Variants in ADAMTSL3 observed in about 807,000 individuals in gnomAD.
ADAMTSL3 encodes the protein ADAMTS-like protein 3.
ADAMTSL3 carries 128 observed loss-of-function variants against 201.7 expected under a neutral mutation model. The ratio of observed to expected loss-of-function variants is 0.63; its 90% CI spans 0.55 to 0.73. The LOEUF is 0.73. ADAMTSL3 is among the 30% of genes least tolerant of loss of function. The pLI is 0.00. For synonymous variants in ADAMTSL3, 738 were observed against 748.4 expected (o/e 0.99, Z 0.23); for missense variants, 1,990 against 2,119.6 (o/e 0.94, Z 1.20).
intron 23 of ADAMTSL3, among the ~76,000 whole-genome samples, chr15:83,992,198 T>TA (rs1002487447): frequency 1.3e-5 from 2 of 152,192 alleles, no homozygotes; most frequent in African/African-American, 4.8e-5. Context: ...AGGGTGCATG[T>TA]AATGAGGGAT....
intron 16 of ADAMTSL3, among the ~76,000 whole-genome samples, chr15:83,921,747 C>T (rs1229868147): frequency 6.6e-6 from 1 of 152,114 alleles, no homozygotes; most frequent in East Asian, 1.9e-4. Context: ...TGCACTGGTA[C>T]AATCATAGCT....
intron 3 of ADAMTSL3, among the ~76,000 whole-genome samples, chr15:83,765,092 G>C (rs1198908524): frequency 6.6e-6 from 1 of 152,118 alleles, no homozygotes; most frequent in East Asian, 1.9e-4. Context: ...GAAGAGAGAA[G>C]TAAAACACAG....
At chr15:84,025,822 G>C (rs967799800) in intron 27 of ADAMTSL3, among the ~76,000 whole-genome samples, 3 of 152,028 alleles carry the variant, frequency 2.0e-5, no homozygotes, top group Non-Finnish European at 4.4e-5. Flanking sequence ...AAATACTTAG[G>C]AAAAAGTTTA....
chr15:83,826,808 G>C (rs960575393), intron 6 of ADAMTSL3, among the ~76,000 whole-genome samples: 2 of 151,860 alleles, frequency 1.3e-5, no homozygotes, highest in African/African-American at 4.8e-5. Context: ...ATGGTTTCCA[G>C]CTTCATCCAT....
intron 22 of ADAMTSL3, among the ~76,000 whole-genome samples, chr15:83,990,031 G>A (rs746186856): frequency 6.6e-6 from 1 of 152,166 alleles, no homozygotes; most frequent in Non-Finnish European, 1.5e-5. Context: ...TCTTTAAATA[G>A]TCTTTTCTAT....
At chr15:83,733,626 A>C (rs2062319266) in intron 3 of ADAMTSL3, among the ~76,000 whole-genome samples, 1 of 152,154 alleles carries the variant, frequency 6.6e-6, no homozygotes. Flanking sequence ...TTTTAGTGCA[A>C]ATCTTTCAAA....
At chr15:83,660,733 C>G (rs2061150960) in intron 2 of ADAMTSL3, among the ~76,000 whole-genome samples, 1 of 152,184 alleles carries the variant, frequency 6.6e-6, no homozygotes, top group South Asian at 2.1e-4. Context: ...TTGTAGGTTG[C>G]CTGTTCCCTC....
chr15:83,922,770 A>G (rs1242042267), intron 16 of ADAMTSL3, among the ~76,000 whole-genome samples: 3 of 152,218 alleles, frequency 2.0e-5, no homozygotes, highest in African/African-American at 4.8e-5. Flanking sequence ...TTTTTGGCCA[A>G]TACTACATCC....
intron 3 of ADAMTSL3, among the ~76,000 whole-genome samples, chr15:83,714,754 C>CCTTT (rs113400955): frequency 1.7e-5 from 2 of 117,398 alleles, no homozygotes; most frequent in Non-Finnish European, 3.8e-5. Context: ...TTCCTTCCTT[C>CCTTT]CCTTTTCTCT....
At chr15:83,655,547 C>T (rs569513679) in intron 1 of ADAMTSL3, among the ~76,000 whole-genome samples, 182 bp from the exon 2 acceptor site, 12 of 152,306 alleles carry the variant, frequency 7.9e-5, no homozygotes, top group Non-Finnish European at 1.2e-4. Flanking sequence ...TGTTGTGGAC[C>T]TTCTAAAGGG....
At chr15:83,753,041 A>G (rs1859447206) in intron 3 of ADAMTSL3, among the ~76,000 whole-genome samples, 2 of 152,078 alleles carry the variant, frequency 1.3e-5, no homozygotes, top group Non-Finnish European at 1.5e-5. Context: ...TTCCAGTGAG[A>G]TTAACCTTTT....
intron 6 of ADAMTSL3, among the ~76,000 whole-genome samples, chr15:83,832,033 AAGG>A (rs1337209317): frequency 3.9e-5 from 6 of 152,174 alleles, no homozygotes; most frequent in Non-Finnish European, 7.4e-5. Context: ...GCTCGTGGAC[AAGG>A]AGGAGGGACA....
Position 83,913,095 on chromosome 15 carries a change from C to G in ADAMTSL3, c.1704C>G (p.Phe568Leu). 6.2e-7 allele frequency: 1 copy of G among 1,613,378 alleles called. No homozygotes were observed. The highest frequency in any genetic ancestry group is 8.5e-7 in the Non-Finnish European group (1 of 1,179,576). ...ETRIATEEPT[F>L]IPEPWSACST... ...GTGGCTTCCTGGTTTTCCCTAGGTT[C>G]ATTCCAGAACCCTGGTCAGCCTGCA... The change falls in exon 16 of 30, where the codon TTC becomes TTG. Residue 568 changes from phenylalanine (F) to leucine (L), a missense_variant. Transcript: ENST00000286744.
At chr15:84,014,405 A>G (rs1292967116) in intron 23 of ADAMTSL3, 137 bp from the exon 24 acceptor site, 6 of 783,810 alleles carry the variant, frequency 7.7e-6, no homozygotes, top group East Asian at 2.6e-5. Flanking sequence ...AGAAATAGAA[A>G]TAGCCATTTT....
chr15:83,688,511 CAG>C (rs1363655644), intron 2 of ADAMTSL3, among the ~76,000 whole-genome samples: 3 of 143,308 alleles, frequency 2.1e-5, no homozygotes, highest in Non-Finnish European at 4.7e-5. Flanking sequence ...TGATTGATAA[CAG>C]ACTCTTTTTT....
intron 4 of ADAMTSL3, among the ~76,000 whole-genome samples, chr15:83,798,117 GT>G (rs1394478398): frequency 6.6e-6 from 1 of 152,100 alleles, no homozygotes; most frequent in Non-Finnish European, 1.5e-5. Context: ...ACTGCAGAAG[GT>G]TTTTGGCACA....
chr15:83,790,713 C>T (rs907100404), intron 4 of ADAMTSL3, among the ~76,000 whole-genome samples: 14 of 152,124 alleles, frequency 9.2e-5, no homozygotes, highest in Non-Finnish European at 1.6e-4. Context: ...AAAAATACAA[C>T]TGTCTTTATT....
intron 27 of ADAMTSL3, among the ~76,000 whole-genome samples, chr15:84,028,042 A>G (rs1409013688): frequency 6.6e-6 from 1 of 152,192 alleles, no homozygotes; most frequent in African/African-American, 2.4e-5. Flanking sequence ...AGAACAGGGA[A>G]ATTTGTAGAG....
At chr15:83,671,958 A>G (rs1430246999) in intron 2 of ADAMTSL3, among the ~76,000 whole-genome samples, 1 of 152,248 alleles carries the variant, frequency 6.6e-6, no homozygotes, top group Non-Finnish European at 1.5e-5. Context: ...TTACAATATT[A>G]TCAATAAAGG....
Sources: gnomAD v4.1 joint callset for allele counts (sites outside exome capture counted in the v4.1 genomes callset) on GRCh38, gnomAD v4.1.1 for gene constraint, MANE v1.5 for transcripts, NCBI Gene and HGNC (gene_info 2026-07-23, HGNC 2026-07-21) for gene names.